IL1RAPL1: variants seen among roughly 807,000 people sequenced by gnomAD.
IL1RAPL1 encodes interleukin 1 receptor accessory protein like 1.
Under a neutral mutation model 48.4 loss-of-function variants are expected in IL1RAPL1, and 3 were observed. The ratio of observed to expected loss-of-function variants is 0.06; its 90% CI spans 0.03 to 0.16. IL1RAPL1 has a LOEUF of 0.16. Ranked by LOEUF, IL1RAPL1 falls within the 10% of genes least tolerant of loss-of-function variation. The probability of loss-of-function intolerance (pLI) is 1.00; values close to 1 mark genes in which losing one functional copy is unlikely to be tolerated. For missense variants in IL1RAPL1, 349 were observed against 530.6 expected (o/e 0.66, Z 3.36); for synonymous variants, 185 against 187.7 (o/e 0.99, Z 0.12).
At chrX:28,972,025 A>G (rs933423404) in intron 2 of IL1RAPL1, among the ~76,000 whole-genome samples, 8 of 109,969 alleles carry the variant, frequency 7.3e-5, no homozygotes, top group African/African-American at 2.7e-4. Flanking sequence ...CATGGCCACC[A>G]CCAAATTATA....
intron 1 of IL1RAPL1, among the ~76,000 whole-genome samples, chrX:28,715,450 A>G (rs764793847): frequency 1.2e-4 from 13 of 112,139 alleles, no homozygotes; most frequent in African/African-American, 4.2e-4. Context: ...AGTTAGAAAG[A>G]TCTCAAGTTA....
rs375516145 is a variant in IL1RAPL1, at chrX:29,744,001, G to A, written c.778+75497G>A. ...AATACATGAATGAATGAACAACATT[G>A]CAAGCACAGACGTTGCATACATTCT... On this transcript the variant is annotated intron_variant, in intron 6 of 10. Coordinates refer to ENST00000378993, the MANE Select transcript of IL1RAPL1 (RefSeq NM_014271.4). Among the ~76,000 whole-genome samples the A allele has an allele frequency of 2.7e-5, 3 of 111,602 alleles. No homozygotes were observed. In the East Asian group the frequency reaches 8.5e-4, roughly 32 times the overall value.
intron 6 of IL1RAPL1, among the ~76,000 whole-genome samples, chrX:29,693,475 T>A (rs1051665439): frequency 4.0e-4 from 45 of 112,660 alleles, no homozygotes; most frequent in Middle Eastern, 4.6e-3. Flanking sequence ...AAAACTCTAC[T>A]TCTGTGTTGA....
At position 29,228,753 on chromosome X, in the gene IL1RAPL1, T is replaced by G. The variant is rs369117376; in HGVS notation, c.83-54185T>G. On this transcript the variant is annotated intron_variant, in intron 2 of 10. Coordinates refer to ENST00000378993, the MANE Select transcript of IL1RAPL1 (RefSeq NM_014271.4). ...TAAACAGTATATGTGTTGAGGAAGC[T>G]AAATAGTTTGTTCTGTAGTCTTCCG... 1.4e-4 allele frequency among the ~76,000 whole-genome samples: 16 copies of G among 112,382 alleles called. 1 individual carries two copies. Among genetic ancestry groups the G allele is most frequent in the African/African-American group, 5.2e-4 (16 of 30,899 alleles).
intron 6 of IL1RAPL1, among the ~76,000 whole-genome samples, chrX:29,772,811 T>C (rs1052541144): frequency 3.6e-5 from 4 of 111,582 alleles, no homozygotes; most frequent in African/African-American, 1.3e-4. Flanking sequence ...GCGTTTACCA[T>C]AGAAATAATA....
chrX:29,260,629 C>T lies in IL1RAPL1; in HGVS notation c.83-22309C>T, dbSNP rs145619368. On this transcript the variant is annotated intron_variant, in intron 2 of 10. Coordinates refer to ENST00000378993, the MANE Select transcript of IL1RAPL1 (RefSeq NM_014271.4). ...TTTGAGTGGGGACACAGTCAAACCA[C>T]ACCAATCACGTCGGTAAGGGTGAGT... is the stretch of plus-strand genomic sequence containing the variant. Among the ~76,000 whole-genome samples, 88 of 111,741 alleles carry T rather than the reference C, an allele frequency of 7.9e-4. No individual in the cohort carries two copies. In the East Asian group the frequency reaches 0.022, roughly 28 times the overall value.
chrX:29,445,878 G>T (rs1265464945), intron 5 of IL1RAPL1, among the ~76,000 whole-genome samples: 1 of 112,082 alleles, frequency 8.9e-6, no homozygotes, highest in African/African-American at 3.2e-5. Flanking sequence ...ACTTAAAGGG[G>T]AAGATGACCT....
intron 5 of IL1RAPL1, among the ~76,000 whole-genome samples, chrX:29,404,872 G>GA (rs772647242): frequency 9.4e-6 from 1 of 106,109 alleles, no homozygotes; most frequent in African/African-American, 3.4e-5. Flanking sequence ...TTTCCCCTTT[G>GA]AAAAAGAATT....
At chrX:28,952,371 C>G (rs1242983708) in intron 2 of IL1RAPL1, among the ~76,000 whole-genome samples, 1 of 110,935 alleles carries the variant, frequency 9.0e-6, no homozygotes, top group Non-Finnish European at 1.9e-5. Flanking sequence ...GTTATATGTA[C>G]ACACAAAAAG....
chrX:29,289,946 G>A (rs1246593361), intron 3 of IL1RAPL1, among the ~76,000 whole-genome samples: 1 of 111,254 alleles, frequency 9.0e-6, no homozygotes, highest in Non-Finnish European at 1.9e-5. Context: ...TCTATAATGT[G>A]TTATATCTAG....
intron 5 of IL1RAPL1, among the ~76,000 whole-genome samples, chrX:29,463,380 A>G (rs5971499): frequency 0.47 from 52,295 of 110,691 alleles, 8,932 homozygotes; most frequent in East Asian, 0.75. Flanking sequence ...ACTTCTCACC[A>G]TGTGGTTTAC....
At chrX:29,930,733 T>G (rs1372256392) in intron 8 of IL1RAPL1, among the ~76,000 whole-genome samples, 1 of 111,966 alleles carries the variant, frequency 8.9e-6, no homozygotes, top group African/African-American at 3.2e-5. Flanking sequence ...TGCTATAAAA[T>G]CAAGTTATTT....
Position 29,754,174 on chromosome X carries a change from T to G in IL1RAPL1, c.778+85670T>G, listed in dbSNP as rs1328167316. On this transcript the variant is annotated intron_variant, in intron 6 of 10. Coordinates refer to ENST00000378993, the MANE Select transcript of IL1RAPL1 (RefSeq NM_014271.4). ...CATATATTCTTTAGGCAAGATCTTT[T>G]TCTTGACCTTCAGGCCCATATCAGC... Among the ~76,000 whole-genome samples, 4 of 111,914 alleles carry G rather than the reference T, an allele frequency of 3.6e-5. No homozygotes were observed. In the East Asian group the frequency reaches 1.1e-3, roughly 31 times the overall value.
chrX:29,575,716 A>G (rs982901478), intron 5 of IL1RAPL1, among the ~76,000 whole-genome samples: 5 of 112,078 alleles, frequency 4.5e-5, no homozygotes, highest in Non-Finnish European at 9.4e-5. Flanking sequence ...AATATTAACC[A>G]CTACAGAAGC....
chrX:29,884,232 G>C (rs1260099891), intron 6 of IL1RAPL1, among the ~76,000 whole-genome samples: 1 of 111,385 alleles, frequency 9.0e-6, no homozygotes, highest in South Asian at 3.9e-4. Flanking sequence ...TTTCTCCATG[G>C]AATATGTGAT....
chrX:29,252,880 T>A (rs184436035), intron 2 of IL1RAPL1, among the ~76,000 whole-genome samples: 1 of 111,415 alleles, frequency 9.0e-6, no homozygotes, highest in African/African-American at 3.2e-5. Context: ...TATAAGTAAT[T>A]GTATAAACTC....
At chrX:29,617,883 T>C (rs190683838) in intron 5 of IL1RAPL1, among the ~76,000 whole-genome samples, 31 of 111,914 alleles carry the variant, frequency 2.8e-4, no homozygotes, top group African/African-American at 1.0e-3. Flanking sequence ...TGAGATTTGA[T>C]GGAAAGAAAT....
At chrX:29,481,738 C>T (rs773554531) in intron 5 of IL1RAPL1, among the ~76,000 whole-genome samples, 5 of 112,041 alleles carry the variant, frequency 4.5e-5, no homozygotes, top group African/African-American at 6.5e-5. Flanking sequence ...AGTGCAACTA[C>T]CCTGATGTGA....
chrX:29,613,827 A>G (rs749447968), intron 5 of IL1RAPL1, among the ~76,000 whole-genome samples: 2 of 97,112 alleles, frequency 2.1e-5, no homozygotes, highest in Non-Finnish European at 4.1e-5. Flanking sequence ...GCAGTGGCGC[A>G]ATCTCGGCTC....
Sources: allele counts gnomAD v4.1 joint callset (sites outside exome capture counted in the v4.1 genomes callset), GRCh38; gene constraint gnomAD v4.1.1; transcripts MANE v1.5; gene names NCBI Gene and HGNC (gene_info 2026-07-23, HGNC 2026-07-21).